Variants in TRAIP observed in about 807,000 individuals in gnomAD.
TRAIP encodes the protein TRAF interacting protein.
In TRAIP, 37 loss-of-function variants were observed where a neutral mutation model predicts 65.0. The observed-to-expected ratio is 0.57, with a 90% confidence interval of 0.44 to 0.75. TRAIP has a LOEUF of 0.75. TRAIP is among the 30% of genes least tolerant of loss of function. The pLI is 0.00. For synonymous variants in TRAIP, 187 were observed against 219.1 expected, an observed-to-expected ratio of 0.85 and a Z score of 1.29; for missense variants, 481 against 579.4, an observed-to-expected ratio of 0.83 and a Z score of 1.74.
intron 1 of TRAIP, 101 bp from the exon 2 acceptor site, chr3:49,848,301 C>T: frequency 2.3e-6 from 3 of 1,311,840 alleles, no homozygotes; most frequent in Non-Finnish European, 2.2e-6. Context: ...TCTGCTCCTC[C>T]TTGACCCAAT....
At position 49,830,013 on chromosome 3, in the gene TRAIP, C is replaced by T; in HGVS notation, c.1086+7G>A. ...GTTAGACTGTGCTTCTTCTAGAAAG[C>T]TCTTACCTTCCTGGGGCCTTTGCAT... is the stretch of plus-strand genomic sequence containing the variant. On this transcript the variant is annotated splice_region_variant and intron_variant, in intron 12 of 14. Transcript: ENST00000331456. 2 of 1,614,190 alleles carry T rather than the reference C, an allele frequency of 1.2e-6. No individual in the cohort carries two copies. Among genetic ancestry groups the T allele is most frequent in the African/African-American group, 1.3e-5 (1 of 75,054 alleles).
At chr3:49,846,046 A>T (rs1044662054) in intron 3 of TRAIP, among the ~76,000 whole-genome samples, 1 of 152,142 alleles carries the variant, frequency 6.6e-6, no homozygotes, top group Non-Finnish European at 1.5e-5. Context: ...GCCTGCTTGC[A>T]CACAAAAAAA....
At chr3:49,849,301 T>C (rs2081911642) in intron 1 of TRAIP, among the ~76,000 whole-genome samples, 2 of 151,758 alleles carry the variant, frequency 1.3e-5, no homozygotes, top group Non-Finnish European at 2.9e-5. Flanking sequence ...TAAGCCACTG[T>C]GCCCAATCAA....
chr3:49,848,297 C>T (rs1005130123), intron 1 of TRAIP, 97 bp from the exon 2 acceptor site: 23 of 1,321,724 alleles, frequency 1.7e-5, no homozygotes, highest in Admixed American at 9.6e-5. Flanking sequence ...CTGTTCTGCT[C>T]CTCCTTGACC....
chr3:49,850,409 G>A (rs950449855), intron 1 of TRAIP, among the ~76,000 whole-genome samples: 1 of 151,578 alleles, frequency 6.6e-6, no homozygotes, highest in Non-Finnish European at 1.5e-5. Flanking sequence ...TAAGGCAGAA[G>A]AATCGTTTGA....
At position 49,848,130 on chromosome 3, in the gene TRAIP, C is replaced by G. The variant is rs752866400; in HGVS notation, c.156+13G>C. The G allele has an allele frequency of 6.2e-7, 1 of 1,613,620 alleles. No individual in the cohort carries two copies. The highest frequency in any genetic ancestry group is 1.3e-5 in the African/African-American group (1 of 74,938). ...TCTCTTCAGTTGAGGTGGTCCCACC[C>G]CAATACTCTCACCTGGATTCGGCAC... On this transcript the variant is annotated intron_variant, in intron 2 of 14. Coordinates refer to ENST00000331456, the MANE Select transcript of TRAIP (RefSeq NM_005879.3).
At chr3:49,846,259 G>A (rs1353439800) in intron 3 of TRAIP, among the ~76,000 whole-genome samples, 1 of 151,944 alleles carries the variant, frequency 6.6e-6, no homozygotes, top group Non-Finnish European at 1.5e-5. Context: ...TAGAGATGGG[G>A]TCCCATGTTG....
chr3:49,830,120 G>A, intron 11 of TRAIP, 52 bp from the exon 12 acceptor site: 1 of 1,594,278 alleles, frequency 6.3e-7, no homozygotes, highest in Non-Finnish European at 8.6e-7. Flanking sequence ...CATGGGGGCA[G>A]GTGAACCAGG....
chr3:49,835,470 T>A (rs554498144), intron 10 of TRAIP, among the ~76,000 whole-genome samples: 1 of 152,122 alleles, frequency 6.6e-6, no homozygotes, highest in South Asian at 2.1e-4. Context: ...TTTGGGAAGA[T>A]GAAAACATTC....
chr3:49,841,157 T>A, intron 7 of TRAIP, 85 bp from the exon 8 acceptor site: 2 of 1,140,694 alleles, frequency 1.8e-6, no homozygotes, highest in Non-Finnish European at 1.3e-6. Context: ...CACAAAGCAC[T>A]GCCCAACCCC....
In TRAIP at chr3:49,841,889, C is replaced by T. The variant is rs987265332; in HGVS notation, c.554G>A (p.Arg185Gln). The change falls in exon 7 of 15, where the codon CGA becomes CAA. Residue 185 changes from arginine (R) to glutamine (Q), a missense_variant. Physicochemically the swap from Arg to Gln is conservative, Grantham distance 43. Coordinates refer to ENST00000331456, the MANE Select transcript of TRAIP (RefSeq NM_005879.3). Reference sequence around the variant, plus strand: ...CGCTGACTGTCCCACACCCATGTCTCGGATCATCTCCTCCACCTCAGGGCG... The same window carrying T: ...CGCTGACTGTCCCACACCCATGTCTTGGATCATCTCCTCCACCTCAGGGCG... ...SQRPEVEEMI[R>Q]DMGVGQSAVE... The T allele has an allele frequency of 2.5e-6, 4 of 1,614,122 alleles. No homozygotes were observed. Among genetic ancestry groups the T allele is most frequent in the Non-Finnish European group, 3.4e-6 (4 of 1,180,038 alleles).
At position 49,829,068 on chromosome 3, in the gene TRAIP, G is replaced by C. The variant is rs904502572; in HGVS notation, c.*35C>G. On this transcript the variant is annotated 3_prime_UTR_variant, in exon 15 of 15. Coordinates refer to ENST00000331456, the MANE Select transcript of TRAIP (RefSeq NM_005879.3). ...GACAGTCCTTGACCTACAAGTTGCA[G>C]GCATGTGTCTGGCCATTGGTCAGAC... 6.2e-7 allele frequency: 1 copy of C among 1,613,966 alleles called. No individual in the cohort carries two copies. Among genetic ancestry groups the C allele is most frequent in the African/African-American group, 1.3e-5 (1 of 74,940 alleles).
At chr3:49,846,874 AT>A (rs1575397518) in intron 3 of TRAIP, among the ~76,000 whole-genome samples, 1 of 152,276 alleles carries the variant, frequency 6.6e-6, no homozygotes, top group East Asian at 1.9e-4. Context: ...CCCTATCTCT[AT>A]AAAAATTTTT....
At chr3:49,847,462 A>T in intron 3 of TRAIP, 63 bp downstream of exon 3, 1 of 1,056,890 alleles carries the variant, frequency 9.5e-7, no homozygotes, top group Non-Finnish European at 1.4e-6. Context: ...AAAAGAAAAG[A>T]AAAAAGAAAA....
At chr3:49,852,204 T>A (rs1179150700) in intron 1 of TRAIP, among the ~76,000 whole-genome samples, 1 of 148,652 alleles carries the variant, frequency 6.7e-6, no homozygotes, top group African/African-American at 2.5e-5. Context: ...CCGTCTCTAC[T>A]AAAAATACAA....
Position 49,831,949 on chromosome 3 carries a change from C to G in TRAIP, c.1004G>C (p.Gly335Ala). The change falls in exon 11 of 15, where the codon GGT becomes GCT. Residue 335 changes from glycine (G) to alanine (A), a missense_variant. Transcript: ENST00000331456. ...CTCTAGGCAAAGTTTTTCGTAGTAA[C>G]CATGCTGGGAGCTGGAGGGCCGGGC... is the stretch of plus-strand genomic sequence containing the variant. ...PPARPSSSQH[G>A]YYEKLCLEKS... is the part of the protein sequence containing the mutation. 6.3e-7 allele frequency: 1 copy of G among 1,597,666 alleles called. No individual in the cohort carries two copies. Among genetic ancestry groups the G allele is most frequent in the Non-Finnish European group, 8.5e-7 (1 of 1,172,168 alleles).
Position 49,841,905 on chromosome 3 carries a change from C to T in TRAIP, c.538G>A (p.Val180Met). 6.2e-7 allele frequency: 1 copy of T among 1,614,234 alleles called. No homozygotes were observed. Among genetic ancestry groups the T allele is most frequent in the Non-Finnish European group, 8.5e-7 (1 of 1,180,046 alleles). ...ELLLQSQRPE[V>M]EEMIRDMGVG... ...CCCATGTCTCGGATCATCTCCTCCA[C>T]CTCAGGGCGCTGGCTCTGGAGTAGA... The change falls in exon 7 of 15, where the codon GTG becomes ATG. Residue 180 changes from valine to methionine, a missense_variant. Coordinates refer to ENST00000331456, the MANE Select transcript of TRAIP (RefSeq NM_005879.3).
intron 5 of TRAIP, chr3:49,843,565 C>G (rs1031569233): frequency 4.6e-5 from 21 of 454,742 alleles, no homozygotes; most frequent in Admixed American, 3.0e-4. Flanking sequence ...AAGGCCTTGA[C>G]TCTTCAAACT....
intron 10 of TRAIP, among the ~76,000 whole-genome samples, chr3:49,837,957 G>A (rs889309295): frequency 1.3e-5 from 2 of 151,764 alleles, no homozygotes; most frequent in Non-Finnish European, 2.9e-5. Context: ...ATCATAGCTC[G>A]ACTCTTGGGC....
Sources: allele counts gnomAD v4.1 joint callset (sites outside exome capture counted in the v4.1 genomes callset), GRCh38; gene constraint gnomAD v4.1.1; transcripts MANE v1.5; gene names NCBI Gene and HGNC (gene_info 2026-07-23, HGNC 2026-07-21).